Variants in NDUFA10 observed in about 807,000 individuals in gnomAD.
NDUFA10 encodes the protein NADH dehydrogenase [ubiquinone] 1 alpha subcomplex subunit 10, mitochondrial.
NDUFA10 carries 40 observed loss-of-function variants against 47.8 expected under a neutral mutation model. The ratio of observed to expected loss-of-function variants is 0.84; its 90% CI spans 0.65 to 1.09. The LOEUF (loss-of-function observed/expected upper bound fraction) is 1.09. Ranked by LOEUF, NDUFA10 falls within the 50% of genes least tolerant of loss-of-function variation. NDUFA10 has a pLI of 0.00. For synonymous variants in NDUFA10, 183 were observed against 172.2 expected (o/e 1.06, Z -0.49); for missense variants, 413 against 451.1 (o/e 0.92, Z 0.76).
intron 2 of NDUFA10, among the ~76,000 whole-genome samples, chr2:240,021,967 T>C (rs147536374): frequency 6.1e-4 from 93 of 152,342 alleles, no homozygotes; most frequent in African/African-American, 2.0e-3. Flanking sequence ...TCACAAATTT[T>C]CCAAACATAA....
chr2:239,935,570 C>T (rs568901048), intron 4 of NDUFA10, among the ~76,000 whole-genome samples: 3 of 152,286 alleles, frequency 2.0e-5, no homozygotes, highest in Admixed American at 1.3e-4. Flanking sequence ...ACTGACATAA[C>T]GATAGTGATG....
intron 4 of NDUFA10, among the ~76,000 whole-genome samples, chr2:239,902,888 C>T (rs1463836500): frequency 6.6e-6 from 1 of 152,206 alleles, no homozygotes; most frequent in African/African-American, 2.4e-5. Context: ...TCCTGCTCCC[C>T]CGAATGCAGA....
rs1303193911 is a variant in NDUFA10, at chr2:240,016,882, C to T, written c.547+1671G>A. On this transcript the variant is annotated intron_variant, in intron 4 of 9. Transcript: ENST00000252711. This position sits in a 1 kb window ranked among gnomAD's most constrained non-coding sequence, Gnocchi z 4.4. ...GAACCTCACACTCAGGAATCCAACG[C>T]CCAAACATGAAGCCACATCGGTCCA... Among the ~76,000 whole-genome samples the T allele has an allele frequency of 6.6e-6, 1 of 152,170 alleles. No homozygotes were observed.
downstream of NDUFA10, among the ~76,000 whole-genome samples, chr2:239,957,109 C>A (rs1457788197): frequency 6.6e-6 from 1 of 152,214 alleles, no homozygotes; most frequent in African/African-American, 2.4e-5. Context: ...CCCTCCACTG[C>A]GGGCTCGCCA....
intron 8 of NDUFA10, among the ~76,000 whole-genome samples, chr2:239,994,290 G>T (rs980709998): frequency 1.3e-5 from 2 of 152,042 alleles, no homozygotes; most frequent in Non-Finnish European, 1.5e-5. Flanking sequence ...ATTTATAGCC[G>T]ATTCCCCTGC....
At chr2:240,022,979 G>C (rs1241848212) in intron 1 of NDUFA10, among the ~76,000 whole-genome samples, 4 of 152,130 alleles carry the variant, frequency 2.6e-5, no homozygotes, top group Admixed American at 2.6e-4. Flanking sequence ...TTCAACTGCA[G>C]AATTACACAC....
At chr2:239,926,759 G>A (rs1451082636) in intron 4 of NDUFA10, among the ~76,000 whole-genome samples, 1 of 152,184 alleles carries the variant, frequency 6.6e-6, no homozygotes, top group Non-Finnish European at 1.5e-5. Flanking sequence ...GGTGGAGGTG[G>A]AAGACAGTGA....
exon 6 of NDUFA10, chr2:239,892,601 G>A (rs1693315889): frequency 6.6e-6 from 1 of 152,210 alleles, no homozygotes; most frequent in Non-Finnish European, 1.5e-5. Flanking sequence ...ACCAGGGCTG[G>A]GACGCAGACC....
intron 8 of NDUFA10, among the ~76,000 whole-genome samples, chr2:240,003,982 C>T (rs1243613468): frequency 2.0e-5 from 3 of 152,332 alleles, no homozygotes; most frequent in Non-Finnish European, 2.9e-5. Flanking sequence ...TCCACGCTAT[C>T]CACAGCTGTG....
chr2:239,954,766 A>G (rs1043069557), downstream of NDUFA10, among the ~76,000 whole-genome samples: 4 of 152,052 alleles, frequency 2.6e-5, no homozygotes, highest in African/African-American at 9.7e-5. Flanking sequence ...CACTGCTAAC[A>G]AACAGCTGGA....
At chr2:239,994,204 A>G (rs528067034) in intron 8 of NDUFA10, among the ~76,000 whole-genome samples, 1 of 152,250 alleles carries the variant, frequency 6.6e-6, no homozygotes, top group Non-Finnish European at 1.5e-5. Flanking sequence ...CCTCCGGGCC[A>G]CAAACCTCTG....
chr2:239,983,291 C>T (rs148766942), intron 9 of NDUFA10, among the ~76,000 whole-genome samples: 1 of 152,298 alleles, frequency 6.6e-6, no homozygotes, highest in African/African-American at 2.4e-5. Context: ...ACATGAAACC[C>T]AGAGGGGCTT....
intron 4 of NDUFA10, among the ~76,000 whole-genome samples, chr2:239,903,240 C>A (rs1006724062): frequency 6.6e-6 from 1 of 152,242 alleles, no homozygotes; most frequent in African/African-American, 2.4e-5. Flanking sequence ...AACCAGACTT[C>A]TCATGAGTGC....
intron 9 of NDUFA10, among the ~76,000 whole-genome samples, chr2:239,980,873 C>A (rs1013780938): frequency 6.6e-6 from 1 of 152,182 alleles, no homozygotes; most frequent in Non-Finnish European, 1.5e-5. Context: ...CACCTCAGTG[C>A]GGGGAGAAGG....
chr2:239,931,553 T>C (rs4538238), intron 4 of NDUFA10, among the ~76,000 whole-genome samples: 12,039 of 152,248 alleles, frequency 0.079, 684 homozygotes, highest in East Asian at 0.21. Flanking sequence ...ACAGCGTCTT[T>C]CCCCCAAGCA....
At chr2:239,998,874 T>C (rs542653220) in intron 8 of NDUFA10, among the ~76,000 whole-genome samples, 3 of 152,234 alleles carry the variant, frequency 2.0e-5, no homozygotes, top group Non-Finnish European at 4.4e-5. Flanking sequence ...TTTTTTTGTA[T>C]TGATCTGTCT....
intron 8 of NDUFA10, among the ~76,000 whole-genome samples, chr2:239,996,022 T>C (rs1244025746): frequency 6.6e-6 from 1 of 151,986 alleles, no homozygotes; most frequent in Admixed American, 6.5e-5. Flanking sequence ...AACCGACAGA[T>C]CCAGCAGAGA....
intron 4 of NDUFA10, among the ~76,000 whole-genome samples, chr2:239,916,589 A>G (rs550729699): frequency 6.6e-6 from 1 of 152,318 alleles, no homozygotes; most frequent in African/African-American, 2.4e-5. Flanking sequence ...CAAAATACCA[A>G]CGCTGCACAA....
At chr2:240,008,875 T>A (rs941523786) in intron 6 of NDUFA10, among the ~76,000 whole-genome samples, 2 of 152,212 alleles carry the variant, frequency 1.3e-5, no homozygotes, top group Non-Finnish European at 2.9e-5. Flanking sequence ...CCATTCAGCA[T>A]GCTAACAACC....
Sources: gnomAD v4.1 joint callset for allele counts (sites outside exome capture counted in the v4.1 genomes callset) on GRCh38, gnomAD v4.1.1 for gene constraint, Gnocchi (gnomAD v3.1) non-coding constraint, MANE v1.5 for transcripts, NCBI Gene and HGNC (gene_info 2026-07-23, HGNC 2026-07-21) for gene names.